Variants in SAAL1 observed in about 807,000 individuals in gnomAD.
The protein encoded by SAAL1 is serum amyloid A like 1.
In SAAL1, 42 loss-of-function variants were observed where a neutral mutation model predicts 59.8. The observed-to-expected ratio is 0.70, with a 90% CI of 0.55 to 0.91. The LOEUF is 0.91. Among genes scored for constraint, SAAL1 ranks in the 40% least tolerant of loss-of-function variants. The pLI is 0.00. For missense variants in SAAL1, 542 were observed against 561.1 expected, an observed-to-expected ratio of 0.97 and a Z score of 0.34; for synonymous variants, 191 against 194.3, an observed-to-expected ratio of 0.98 and a Z score of 0.14.
chr11:18,096,598 A>G (rs1250499588), intron 3 of SAAL1, among the ~76,000 whole-genome samples, 173 bp downstream of exon 3: 1 of 152,112 alleles, frequency 6.6e-6, no homozygotes, highest in African/African-American at 2.4e-5. Flanking sequence ...ATAAAATAAA[A>G]TAAATTTAAA....
At chr11:18,088,088 T>C (rs1234920483) in intron 7 of SAAL1, among the ~76,000 whole-genome samples, 1 of 152,192 alleles carries the variant, frequency 6.6e-6, no homozygotes, top group Non-Finnish European at 1.5e-5. Context: ...GGAAACATAC[T>C]GTGCAAGGGC....
chr11:18,103,949 G>A (rs1848662555), intron 1 of SAAL1, among the ~76,000 whole-genome samples: 1 of 152,166 alleles, frequency 6.6e-6, no homozygotes, highest in South Asian at 2.1e-4. Flanking sequence ...AAAGGTTGTA[G>A]TGATAATCAC....
At chr11:18,102,906 A>G (rs1848648817) in intron 2 of SAAL1, among the ~76,000 whole-genome samples, 1 of 152,192 alleles carries the variant, frequency 6.6e-6, no homozygotes, top group Non-Finnish European at 1.5e-5. Context: ...GTGGTCTTCT[A>G]ACTCCTAACC....
chr11:18,105,835 G>A, intron 1 of SAAL1, 72 bp downstream of exon 1: 2 of 1,466,902 alleles, frequency 1.4e-6, no homozygotes, highest in Non-Finnish European at 1.8e-6. Flanking sequence ...GGGGCAGGAG[G>A]ATTCGCCAGA....
At chr11:18,087,795 T>C (rs1355151663) in intron 7 of SAAL1, among the ~76,000 whole-genome samples, 1 of 152,196 alleles carries the variant, frequency 6.6e-6, no homozygotes. Context: ...ATTAAAACAA[T>C]GGTTTGGCAA....
rs1281220213 is a variant in SAAL1, at chr11:18,105,934, G to T, written c.108C>A (p.Leu36=). Residue 36 remains leucine, a synonymous_variant, in exon 1 of 12, where the codon CTC becomes CTA. Transcript: ENST00000524803. ...IGSTVYSKHW[L]FGVLSGLIQI... is the part of the protein sequence containing the mutation. ...GGATGAGTCCGCTGAGGACGCCGAA[G>T]AGCCAGTGTTTGCTGTAGACCGTGC... 4 of 1,606,054 alleles carry T rather than the reference G, an allele frequency of 2.5e-6. No individual in the cohort carries two copies. In the Admixed American group the frequency reaches 6.8e-5, roughly 27 times the overall value.
intron 10 of SAAL1, among the ~76,000 whole-genome samples, chr11:18,082,624 A>G (rs1478776063): frequency 6.6e-6 from 1 of 152,076 alleles, no homozygotes; most frequent in Non-Finnish European, 1.5e-5. Flanking sequence ...AGAATAAGAG[A>G]AACTTTTTGT....
chr11:18,087,214 G>C lies in SAAL1; in HGVS notation c.782C>G (p.Pro261Arg). ...GTGCATGTAAACATCAAGCCATTCT[G>C]GATTTTCAGAACTAAATAGGAAAAG... is the stretch of plus-strand genomic sequence containing the variant. ...EAAKQVRSEN[P>R]EWLDVYMHIL... Residue 261 changes from proline to arginine, a missense_variant, in exon 8 of 12, where the codon CCA becomes CGA. Pro to Arg is a moderately radical substitution (Grantham distance 103, BLOSUM62 -2). Transcript: ENST00000524803. 1 of 1,610,340 alleles carries C rather than the reference G, an allele frequency of 6.2e-7. No individual in the cohort carries two copies. Among genetic ancestry groups the C allele is most frequent in the South Asian group, 1.1e-5 (1 of 90,932 alleles).
Position 18,086,857 on chromosome 11 carries a change from T to C in SAAL1, c.1042+9A>G, listed in dbSNP as rs190457612. The C allele has an allele frequency of 3.1e-3, 4,691 of 1,522,710 alleles. 20 individuals are homozygous for C. Among genetic ancestry groups the C allele is most frequent in the South Asian group, 0.011 (798 of 75,294 alleles). The allele number at this position is 1,522,710 out of a possible 1,614,324, so 94.3% of individuals were successfully genotyped here. The stretch of plus-strand genomic sequence containing the variant: ...GAAAAACAGTATGAGCCTGGGAAAC[T>C]GTACTTGCCTTTTTCTATCTTTAGA... On this transcript the variant is annotated intron_variant, in intron 9 of 11. Transcript: ENST00000524803.
At chr11:18,097,016 G>A (rs1397465896) in intron 2 of SAAL1, among the ~76,000 whole-genome samples, 162 bp from the exon 3 acceptor site, 1 of 151,964 alleles carries the variant, frequency 6.6e-6, no homozygotes, top group Non-Finnish European at 1.5e-5. Flanking sequence ...CTGGCAGATT[G>A]CCTGAGCTCA....
chr11:18,084,842 T>TG (rs1305362418), intron 9 of SAAL1, among the ~76,000 whole-genome samples: 22 of 152,232 alleles, frequency 1.4e-4, no homozygotes, highest in Non-Finnish European at 2.1e-4. Context: ...TTCAGCTCAC[T>TG]GCAGCCTCTG....
intron 2 of SAAL1, among the ~76,000 whole-genome samples, chr11:18,100,848 T>C (rs1398442934): frequency 1.3e-5 from 2 of 152,188 alleles, no homozygotes; most frequent in East Asian, 1.9e-4. Flanking sequence ...TTGCACCATA[T>C]ACTATACAAA....
Position 18,089,523 on chromosome 11 carries a change from A to C in SAAL1, c.590-13T>G. ...ACCAGCAAGTCAACTGCAGAGAATA[A>C]AACAGATATTGAAATGAAAAACAAA... On this transcript the variant is annotated splice_polypyrimidine_tract_variant and intron_variant, in intron 6 of 11. Coordinates refer to ENST00000524803, the MANE Select transcript of SAAL1 (RefSeq NM_138421.3). 1 of 1,598,174 alleles carries C rather than the reference A, an allele frequency of 6.3e-7. No homozygotes were observed. The highest frequency in any genetic ancestry group is 1.1e-5 in the South Asian group (1 of 87,912).
At chr11:18,086,352 T>C (rs1422681066) in intron 9 of SAAL1, among the ~76,000 whole-genome samples, 1 of 152,154 alleles carries the variant, frequency 6.6e-6, no homozygotes, top group Non-Finnish European at 1.5e-5. Flanking sequence ...CAGTGAGCTA[T>C]GATCCTGCCA....
At chr11:18,087,270 C>T in intron 7 of SAAL1, 45 bp from the exon 8 acceptor site, 1 of 1,175,650 alleles carries the variant, frequency 8.5e-7, no homozygotes, top group Non-Finnish European at 1.3e-6. Flanking sequence ...CTTTACTGTC[C>T]AGGGGATTCC....
intron 2 of SAAL1, among the ~76,000 whole-genome samples, chr11:18,101,729 T>C (rs1848636058): frequency 6.6e-6 from 1 of 152,028 alleles, no homozygotes; most frequent in Non-Finnish European, 1.5e-5. Flanking sequence ...ACAACAGCTT[T>C]ATCTGTAATA....
chr11:18,081,050 T>TCATA (rs1848404579), intron 11 of SAAL1, among the ~76,000 whole-genome samples: 1 of 152,144 alleles, frequency 6.6e-6, no homozygotes, highest in African/African-American at 2.4e-5. Flanking sequence ...AAAGGTATAT[T>TCATA]ACATGATGCC....
chr11:18,087,393 C>A (rs1366744248), intron 7 of SAAL1, among the ~76,000 whole-genome samples, 168 bp from the exon 8 acceptor site: 1 of 152,090 alleles, frequency 6.6e-6, no homozygotes, highest in East Asian at 1.9e-4. Context: ...CTTTTATATT[C>A]TAATAGGGGA....
At chr11:18,104,726 T>C (rs1848670086) in intron 1 of SAAL1, among the ~76,000 whole-genome samples, 1 of 152,090 alleles carries the variant, frequency 6.6e-6, no homozygotes, top group East Asian at 1.9e-4. Context: ...GCCTAGCATG[T>C]TTGGGGATGG....
Sources: gnomAD v4.1 joint callset for allele counts (sites outside exome capture counted in the v4.1 genomes callset) on GRCh38, gnomAD v4.1.1 for gene constraint, MANE v1.5 for transcripts, NCBI Gene and HGNC (gene_info 2026-07-23, HGNC 2026-07-21) for gene names.